MDGA2: variants seen among roughly 807,000 people sequenced by gnomAD.
MDGA2 encodes the protein MAM domain containing glycosylphosphatidylinositol anchor 2, also known as MAM domain-containing glycosylphosphatidylinositol anchor protein 2.
A neutral mutation model predicts 117.8 loss-of-function variants in MDGA2; 40 were observed. The ratio of observed to expected loss-of-function variants is 0.34; its 90% CI spans 0.26 to 0.44. The LOEUF is 0.44. Ranked by LOEUF, MDGA2 falls within the 20% of genes least tolerant of loss-of-function variation. The pLI is 1.00. For synonymous variants in MDGA2, 452 were observed against 439.0 expected, an observed-to-expected ratio of 1.03 and a Z score of -0.37; for missense variants, 1,123 against 1,250.6, an observed-to-expected ratio of 0.90 and a Z score of 1.54.
At chr14:47,238,244 TATCAGAA>T (rs1239876666) in intron 2 of MDGA2, among the ~76,000 whole-genome samples, 1 of 152,194 alleles carries the variant, frequency 6.6e-6, no homozygotes, top group African/African-American at 2.4e-5. Flanking sequence ...CACTTACCAA[TATCAGAA>T]ATCAGAACAT....
chr14:47,145,749 T>A lies in MDGA2; in HGVS notation c.596-1475A>T, dbSNP rs563805646. Reference sequence around the variant, plus strand: ...TCCATAAAGCCCTGGACACATAGTATTAAGTTGGTGCAAAAGTAATTTCAG... The same window carrying A: ...TCCATAAAGCCCTGGACACATAGTAATAAGTTGGTGCAAAAGTAATTTCAG... On this transcript the variant is annotated intron_variant, in intron 3 of 16. Transcript: ENST00000399232. 5.9e-5 allele frequency among the ~76,000 whole-genome samples: 9 copies of A among 152,274 alleles called. No homozygotes were observed. In the South Asian group the frequency reaches 1.9e-3, roughly 32 times the overall value.
rs554814453 is a variant in MDGA2 at position 47,521,623 on chromosome 14, A to G, written c.280+152894T>C. On this transcript the variant is annotated intron_variant, in intron 1 of 16. Transcript: ENST00000399232. ...AAATGCTATGACCACTCTTCAAAAT[A>G]TCTTTATGTTATTAAAAATTGTGAT... 2.9e-4 allele frequency among the ~76,000 whole-genome samples: 44 copies of G among 152,276 alleles called. 1 individual carries two copies. In the South Asian group the frequency reaches 8.9e-3, roughly 31 times the overall value.
intron 8 of MDGA2, among the ~76,000 whole-genome samples, chr14:46,998,290 T>G (rs1323542449): frequency 6.6e-6 from 1 of 151,500 alleles, no homozygotes; most frequent in Non-Finnish European, 1.5e-5. Context: ...TAAAAACAGA[T>G]GAAAAGAAAA....
At chr14:46,968,025 T>C (rs144503698) in intron 8 of MDGA2, among the ~76,000 whole-genome samples, 19 of 152,212 alleles carry the variant, frequency 1.2e-4, no homozygotes, top group African/African-American at 4.6e-4. Context: ...AGAAAACCGC[T>C]TGACTCTCTG....
intron 1 of MDGA2, among the ~76,000 whole-genome samples, chr14:47,313,912 C>T (rs991991935): frequency 6.6e-6 from 1 of 152,110 alleles, no homozygotes; most frequent in Non-Finnish European, 1.5e-5. Flanking sequence ...CCAAAAGATA[C>T]ATATACAAGT....
chr14:46,972,224 T>G (rs140453656), intron 8 of MDGA2, among the ~76,000 whole-genome samples: 1 of 152,136 alleles, frequency 6.6e-6, no homozygotes, highest in Non-Finnish European at 1.5e-5. Context: ...AACTGAATTG[T>G]TGAATACCCA....
At position 47,343,613 on chromosome 14, in the gene MDGA2, A is replaced by T. The variant is rs149865373; in HGVS notation, c.281-42063T>A. Among the ~76,000 whole-genome samples the T allele has an allele frequency of 3.3e-3, 509 of 152,300 alleles. 3 individuals carry two copies. Among genetic ancestry groups the T allele is most frequent in the African/African-American group, 0.012 (499 of 41,570 alleles). ...AACAAAAAGGAAGACCCAAAGGAAC[A>T]AAGATGCCATTTTCATTAATTATCT... On this transcript the variant is annotated intron_variant, in intron 1 of 16. Coordinates refer to ENST00000399232, the MANE Select transcript of MDGA2 (RefSeq NM_001113498.3).
intron 1 of MDGA2, among the ~76,000 whole-genome samples, chr14:47,669,422 T>G (rs1254178448): frequency 6.6e-6 from 1 of 152,204 alleles, no homozygotes; most frequent in Non-Finnish European, 1.5e-5. Flanking sequence ...GTAAAATAAG[T>G]TAGGCTCAAC....
intron 1 of MDGA2, among the ~76,000 whole-genome samples, chr14:47,470,434 AG>A (rs1314259760): frequency 7.2e-5 from 11 of 152,230 alleles, no homozygotes; most frequent in Non-Finnish European, 1.5e-4. Flanking sequence ...GTCCCTGCAA[AG>A]GGCATGAACT....
At chr14:46,873,760 CA>C (rs1882110773) in intron 13 of MDGA2, among the ~76,000 whole-genome samples, 169 bp from the exon 14 acceptor site, 1 of 151,598 alleles carries the variant, frequency 6.6e-6, no homozygotes. Flanking sequence ...GGCTGTAACA[CA>C]AAGAATAAAT....
At chr14:47,485,471 C>A (rs1382027435) in intron 1 of MDGA2, among the ~76,000 whole-genome samples, 1 of 152,114 alleles carries the variant, frequency 6.6e-6, no homozygotes, top group Non-Finnish European at 1.5e-5. Flanking sequence ...CCTAACAATG[C>A]AATAGGAAAG....
At position 46,841,302 on chromosome 14, in the gene MDGA2, T is replaced by C. The variant is rs1594986926; in HGVS notation, c.*629A>G. On this transcript the variant is annotated 3_prime_UTR_variant, in exon 17 of 17. Transcript: ENST00000399232. ...AGCATACAGTTATCTAGCTTAGCCATGGGAGAAAAATAATAATAATAAAGG... is the reference window on the plus strand; with the variant it reads ...AGCATACAGTTATCTAGCTTAGCCACGGGAGAAAAATAATAATAATAAAGG... 2 of 152,564 alleles carry C rather than the reference T, an allele frequency of 1.3e-5. No homozygotes were observed. Among genetic ancestry groups the C allele is most frequent in the African/African-American group, 4.8e-5 (2 of 41,522 alleles). 9.5% of individuals were successfully genotyped at this position (152,564 alleles called of 1,614,324 possible).
At chr14:46,960,666 T>TAC (rs762942541) in intron 8 of MDGA2, 1 of 151,686 alleles carries the variant, frequency 6.6e-6, no homozygotes, top group Non-Finnish European at 1.5e-5. Flanking sequence ...GTTATATATA[T>TAC]ACACACACAT....
chr14:47,172,004 T>C lies in MDGA2; in HGVS notation c.596-27730A>G, dbSNP rs571618290. On this transcript the variant is annotated intron_variant, in intron 3 of 16. Transcript: ENST00000399232. Reference sequence around the variant, plus strand: ...GCACCAGGAGATTATATCCCGCACATGGCTCACAGGGTCCTATGCCCACTG... The same window carrying C: ...GCACCAGGAGATTATATCCCGCACACGGCTCACAGGGTCCTATGCCCACTG... 1.3e-4 allele frequency among the ~76,000 whole-genome samples: 20 copies of C among 152,280 alleles called. 1 individual carries two copies. Among genetic ancestry groups the C allele is most frequent in the African/African-American group, 4.3e-4 (18 of 41,568 alleles).
At chr14:47,337,279 T>G (rs1890487805) in intron 1 of MDGA2, among the ~76,000 whole-genome samples, 1 of 152,056 alleles carries the variant, frequency 6.6e-6, no homozygotes. Context: ...CAAAATTGTT[T>G]GTAAAGACCC....
At chr14:47,056,637 T>C (rs1297407054) in intron 7 of MDGA2, among the ~76,000 whole-genome samples, 1 of 152,174 alleles carries the variant, frequency 6.6e-6, no homozygotes, top group Non-Finnish European at 1.5e-5. Context: ...GAGTTTACTA[T>C]AAACCTACAA....
intron 5 of MDGA2, among the ~76,000 whole-genome samples, chr14:47,104,134 CA>C (rs1880501408): frequency 6.6e-6 from 1 of 152,256 alleles, no homozygotes; most frequent in Admixed American, 6.5e-5. Flanking sequence ...AGAAAACTGC[CA>C]AAAGTTACAT....
At chr14:46,900,503 A>G (rs2138444648) in intron 10 of MDGA2, among the ~76,000 whole-genome samples, 1 of 152,340 alleles carries the variant, frequency 6.6e-6, no homozygotes, top group South Asian at 2.1e-4. Context: ...TAGGACACCC[A>G]TACCATTAGA....
intron 9 of MDGA2, among the ~76,000 whole-genome samples, chr14:46,927,575 T>A (rs1417574034): frequency 6.6e-6 from 1 of 152,168 alleles, no homozygotes; most frequent in Non-Finnish European, 1.5e-5. Context: ...AACTAATTAA[T>A]ACAACAGTGA....
Sources: allele counts gnomAD v4.1 joint callset (sites outside exome capture counted in the v4.1 genomes callset), GRCh38; gene constraint gnomAD v4.1.1; transcripts MANE v1.5; gene names NCBI Gene and HGNC (gene_info 2026-07-23, HGNC 2026-07-21).